PCDH9: variants seen among roughly 807,000 people sequenced by gnomAD.
PCDH9 encodes the protein protocadherin 9, also known as protocadherin-9.
Under a neutral mutation model 70.6 loss-of-function variants are expected in PCDH9, and 24 were observed. The ratio of observed to expected loss-of-function variants is 0.34; its 90% CI spans 0.25 to 0.48. The LOEUF is 0.48. PCDH9 is among the 20% of genes least tolerant of loss of function. The pLI is 0.99. For missense variants in PCDH9, 1,281 were observed against 1,503.6 expected, an observed-to-expected ratio of 0.85 and a Z score of 2.45; for synonymous variants, 562 against 558.5, an observed-to-expected ratio of 1.01 and a Z score of -0.09.
intron 3 of PCDH9, among the ~76,000 whole-genome samples, chr13:66,678,944 TGTATATATATATACATCCA>T (rs762047322): frequency 5.3e-5 from 8 of 151,522 alleles, no homozygotes; most frequent in South Asian, 4.2e-4. Context: ...GGCGACTGGA[TGTATATATATATACATCCA>T]GTATATATAT....
chr13:67,148,524 T>A (rs537627241), intron 2 of PCDH9, among the ~76,000 whole-genome samples: 4 of 152,296 alleles, frequency 2.6e-5, no homozygotes, highest in African/African-American at 9.6e-5. Flanking sequence ...AGAACACCCG[T>A]GCAAGTTTTA....
intron 4 of PCDH9, 61 bp from the exon 5 acceptor site, chr13:66,305,089 T>C: frequency 2.1e-6 from 3 of 1,413,846 alleles, no homozygotes; most frequent in Non-Finnish European, 2.8e-6. Flanking sequence ...CAATTAGAAT[T>C]ATCTTAGAGA....
intron 2 of PCDH9, among the ~76,000 whole-genome samples, chr13:67,030,299 C>G (rs932609892): frequency 2.4e-4 from 36 of 152,244 alleles, no homozygotes; most frequent in African/African-American, 7.9e-4. Flanking sequence ...TTTTAAGACA[C>G]AGCAGTCCAT....
At chr13:67,192,761 G>T (rs1009349715) in intron 2 of PCDH9, among the ~76,000 whole-genome samples, 2 of 152,112 alleles carry the variant, frequency 1.3e-5, no homozygotes, top group Non-Finnish European at 2.9e-5. Flanking sequence ...CTGTAAGAGG[G>T]ATAGTCCTTT....
At chr13:67,073,936 G>A (rs2085819444) in intron 2 of PCDH9, among the ~76,000 whole-genome samples, 1 of 151,964 alleles carries the variant, frequency 6.6e-6, no homozygotes, top group Non-Finnish European at 1.5e-5. Flanking sequence ...GGTAACACTT[G>A]GGGCCTTAAC....
Position 66,373,263 on chromosome 13 carries a change from G to T in PCDH9, c.3341-68235C>A, listed in dbSNP as rs146303228. ...AAATACCAAGTGATTTCATTTATGTGAAATCCAGAGTAATCCAACTTACAA... is the reference window on the plus strand; with the variant it reads ...AAATACCAAGTGATTTCATTTATGTTAAATCCAGAGTAATCCAACTTACAA... On this transcript the variant is annotated intron_variant, in intron 4 of 4. Transcript: ENST00000377865. Among the ~76,000 whole-genome samples the T allele has an allele frequency of 1.4e-3, 211 of 152,064 alleles. 4 individuals carry two copies. The East Asian group carries it at 0.035, about 25-fold the overall frequency.
intron 3 of PCDH9, among the ~76,000 whole-genome samples, chr13:66,821,118 A>G (rs561595501): frequency 6.6e-6 from 1 of 152,306 alleles, no homozygotes; most frequent in African/African-American, 2.4e-5. Context: ...ACATTTTGTA[A>G]ATGTTTTATA....
intron 2 of PCDH9, among the ~76,000 whole-genome samples, chr13:67,162,144 T>C (rs2087980326): frequency 6.6e-6 from 1 of 152,240 alleles, no homozygotes; most frequent in African/African-American, 2.4e-5. Context: ...CTTGGCTTTA[T>C]TTCTTCCATT....
intron 4 of PCDH9, among the ~76,000 whole-genome samples, chr13:66,470,119 G>C (rs113677278): frequency 0.016 from 2,508 of 152,236 alleles, 24 homozygotes; most frequent in Non-Finnish European, 0.026. Flanking sequence ...GGAAAGCAGT[G>C]ATTGATGCCA....
chr13:66,718,639 T>C (rs1705543539), intron 3 of PCDH9, among the ~76,000 whole-genome samples: 1 of 152,056 alleles, frequency 6.6e-6, no homozygotes, highest in Non-Finnish European at 1.5e-5. Flanking sequence ...ATCTAGAAAG[T>C]GTATGGTTAA....
At chr13:66,459,274 T>C (rs1157858617) in intron 4 of PCDH9, among the ~76,000 whole-genome samples, 1 of 151,934 alleles carries the variant, frequency 6.6e-6, no homozygotes, top group Non-Finnish European at 1.5e-5. Flanking sequence ...TCAGGGATGT[T>C]TATAGTGTTG....
intron 4 of PCDH9, among the ~76,000 whole-genome samples, chr13:66,570,678 GA>G: frequency 6.6e-6 from 1 of 152,204 alleles, no homozygotes; most frequent in African/African-American, 2.4e-5. Context: ...ACAGATTTTA[GA>G]AAAGAAAAGG....
At chr13:67,039,351 A>C (rs1205402730) in intron 2 of PCDH9, among the ~76,000 whole-genome samples, 2 of 152,164 alleles carry the variant, frequency 1.3e-5, no homozygotes, top group South Asian at 4.1e-4. Flanking sequence ...CAGAATGGCA[A>C]GATGTAGAAT....
chr13:66,932,579 A>G (rs977021762), intron 2 of PCDH9, among the ~76,000 whole-genome samples: 1 of 151,504 alleles, frequency 6.6e-6, no homozygotes, highest in African/African-American at 2.4e-5. Context: ...TGAGAAAAGA[A>G]GCCGAATCAT....
At chr13:67,018,393 G>A (rs2084605125) in intron 2 of PCDH9, among the ~76,000 whole-genome samples, 1 of 152,074 alleles carries the variant, frequency 6.6e-6, no homozygotes. Context: ...GGCCGAAGGG[G>A]ATGGATCACA....
At chr13:66,522,142 A>G (rs539056195) in intron 4 of PCDH9, among the ~76,000 whole-genome samples, 1 of 151,160 alleles carries the variant, frequency 6.6e-6, no homozygotes, top group South Asian at 2.1e-4. Flanking sequence ...TTACCTAAGG[A>G]AATTTTTTTA....
chr13:66,412,985 G>T lies in PCDH9; in HGVS notation c.3341-107957C>A, dbSNP rs184497569. 2.3e-4 allele frequency among the ~76,000 whole-genome samples: 35 copies of T among 152,330 alleles called. No individual in the cohort carries two copies. In the East Asian group the frequency reaches 6.6e-3, roughly 29 times the overall value. On this transcript the variant is annotated intron_variant, in intron 4 of 4. Coordinates refer to ENST00000377865, the MANE Select transcript of PCDH9 (RefSeq NM_203487.3). ...TGAATAGATATTTTCAGTGGGGTCT[G>T]TAGAGATTTTGATTAACAAGCCTTG...
chr13:66,468,768 A>C (rs933994577), intron 4 of PCDH9, among the ~76,000 whole-genome samples: 1 of 152,130 alleles, frequency 6.6e-6, no homozygotes. Context: ...TACAAGTATC[A>C]CTTTGGTAAT....
At chr13:66,608,702 A>G (rs142370107) in intron 4 of PCDH9, among the ~76,000 whole-genome samples, 2 of 151,990 alleles carry the variant, frequency 1.3e-5, no homozygotes, top group African/African-American at 4.8e-5. Flanking sequence ...CTCAGCCCCA[A>G]ATTCAAACCT....
Sources: allele counts gnomAD v4.1 joint callset (sites outside exome capture counted in the v4.1 genomes callset), GRCh38; gene constraint gnomAD v4.1.1; transcripts MANE v1.5; gene names NCBI Gene and HGNC (gene_info 2026-07-23, HGNC 2026-07-21).